Variants in GRIN2C observed in about 807,000 individuals in gnomAD.
The protein encoded by GRIN2C is glutamate ionotropic receptor NMDA type subunit 2C.
GRIN2C carries 64 observed loss-of-function variants against 77.7 expected under a neutral mutation model. The observed-to-expected ratio is 0.82, with a 90% confidence interval of 0.67 to 1.01. GRIN2C has a LOEUF of 1.01. Ranked by LOEUF, GRIN2C falls within the 50% of genes least tolerant of loss-of-function variation. GRIN2C has a pLI of 0.00. For missense variants in GRIN2C, 1,549 were observed against 1,486.0 expected, an observed-to-expected ratio of 1.04 and a Z score of -0.70; for synonymous variants, 792 against 643.4, an observed-to-expected ratio of 1.23 and a Z score of -3.49.
rs906969892 is a variant in GRIN2C, at chr17:74,851,667, C to T, written c.1023G>A (p.Glu341=). 2.5e-6 allele frequency: 4 copies of T among 1,570,032 alleles called. No homozygotes were observed. The African/African-American group carries it at 5.4e-5, about 21-fold the overall frequency. Residue 341 remains glutamate (E), a synonymous_variant, in exon 4 of 13, where the codon GAG becomes GAA. Coordinates refer to ENST00000293190, the MANE Select transcript of GRIN2C (RefSeq NM_000835.6). ...FYRHLLNVTW[E]GRDFSFSPGG... Reference sequence around the variant, plus strand: ...CAGGGCTGAAGGAGAAGTCTCGGCCCTCCCAGGTGACATTCAGTAGGTGCC... The same window carrying T: ...CAGGGCTGAAGGAGAAGTCTCGGCCTTCCCAGGTGACATTCAGTAGGTGCC...
At position 74,854,694 on chromosome 17, in the gene GRIN2C, C is replaced by T. The variant is rs2037761309; in HGVS notation, c.399G>A (p.Lys133=). ...AGGGGACATGAGTTTGGACATGCAC[C>T]TTGGGGGTGAGGACCACAGCAGAGC... is the stretch of plus-strand genomic sequence containing the variant. ...SGGSAVVLTP[K]EPGSAFLQLG... The change falls in exon 2 of 13, where the codon AAG becomes AAA. Residue 133 remains lysine, a splice_region_variant and synonymous_variant. Transcript: ENST00000293190. 6.2e-7 allele frequency: 1 copy of T among 1,604,952 alleles called. No individual in the cohort carries two copies.
chr17:74,842,556 AGCCCCAGAGTCCTGCCCCTGT>A lies in GRIN2C; in HGVS notation c.3560_3580del (p.His1187_Gly1193del), dbSNP rs577805282. ...CCCACTGTCTCTGTAGCCTGTGCCC[AGCCCCAGAGTCCTGCCCCTGT>A]GCCCCAGAGGCCCCCAGGCCCCGGA... is the stretch of plus-strand genomic sequence containing the variant. On this transcript the variant is annotated inframe_deletion, in exon 13 of 13. Transcript: ENST00000293190. 2.1e-3 allele frequency: 1,654 copies of A among 777,666 alleles called. 21 individuals carry two copies. In the African/African-American group the frequency reaches 0.024, roughly 11 times the overall value. The allele number at this position is 777,666 out of a possible 1,614,324, so 48.2% of individuals were successfully genotyped here.
chr17:74,846,112 G>A lies in GRIN2C; in HGVS notation c.2304C>T (p.His768=). The change falls in exon 11 of 13, where the codon CAC becomes CAT. Residue 768 remains histidine (H), a synonymous_variant. Coordinates refer to ENST00000293190, the MANE Select transcript of GRIN2C (RefSeq NM_000835.6). The surrounding 1 kb of genome is among the most constrained non-coding windows in gnomAD (Gnocchi z 4.4). ...GCGCCAGGTCTATGGCCCGCTTCCA[G>A]TGGGAGTCCTTCTGCATGGCGATGC... is the stretch of plus-strand genomic sequence containing the variant. ...GYGIAMQKDS[H]WKRAIDLALL... 1 of 1,614,228 alleles carries A rather than the reference G, an allele frequency of 6.2e-7. No homozygotes were observed. Among genetic ancestry groups the A allele is most frequent in the Non-Finnish European group, 8.5e-7 (1 of 1,180,028 alleles).
At chr17:74,860,368 C>T (rs1198514005), upstream of GRIN2C, 2 of 455,654 alleles carry the variant, frequency 4.4e-6, no homozygotes, top group Admixed American at 4.7e-5. Context: ...CCAGAAGTCC[C>T]CTTGGACGAC....
intron 11 of GRIN2C, 137 bp downstream of exon 11, chr17:74,845,929 C>G: frequency 2.6e-6 from 2 of 779,578 alleles, no homozygotes; most frequent in Admixed American, 4.1e-5. Flanking sequence ...TACCTGCCCA[C>G]CTCAGCTGCC....
chr17:74,848,286 G>A (rs1476605365), intron 7 of GRIN2C, among the ~76,000 whole-genome samples: 2 of 152,102 alleles, frequency 1.3e-5, no homozygotes, highest in African/African-American at 4.8e-5. Context: ...TGATCTGGTG[G>A]TTCTGCCTGG....
chr17:74,860,588 G>A (rs888898983), upstream of GRIN2C: 27 of 441,574 alleles, frequency 6.1e-5, no homozygotes, highest in Admixed American at 1.4e-4. Context: ...CGGGGATCCT[G>A]GGCGAAGCCC....
upstream of GRIN2C, among the ~76,000 whole-genome samples, chr17:74,861,129 G>A (rs937882239): frequency 3.3e-5 from 5 of 152,308 alleles, no homozygotes; most frequent in South Asian, 6.2e-4. Flanking sequence ...AGGGCTCGGC[G>A]ACCCTGGGGA....
chr17:74,843,382 T>TG lies in GRIN2C; in HGVS notation c.2754dup (p.Thr919HisfsTer360). The TG allele has an allele frequency of 1.3e-6, 2 of 1,532,346 alleles. No homozygotes were observed. Among genetic ancestry groups the TG allele is most frequent in the Non-Finnish European group, 1.7e-6 (2 of 1,144,114 alleles). The allele number at this position is 1,532,346 out of a possible 1,614,324, so 94.9% of individuals were successfully genotyped here. On this transcript the variant is annotated frameshift_variant, in exon 13 of 13. Transcript: ENST00000293190. LOFTEE classifies it low-confidence loss of function (END_TRUNC). ...CGGCCGCCACCCCAATTCTCGATGG[T>TG]GCGAGTGGCGCGGTCCAGGGAGCTG...
chr17:74,855,015 G>T lies in GRIN2C; in HGVS notation c.78C>A (p.Gly26=), dbSNP rs373820479. Residue 26 remains glycine (G), a synonymous_variant, in exon 2 of 13, where the codon GGC becomes GGA. Transcript: ENST00000293190. The part of the protein sequence containing the change: ...GAWAGLGPGQ[G]EQGMTVAVVF... The stretch of plus-strand genomic sequence containing the variant: ...CCACGGCCACCGTCATGCCCTGCTC[G>T]CCCTGCCCCGGACCCAGCCCTGCCC... 4 of 1,603,296 alleles carry T rather than the reference G, an allele frequency of 2.5e-6. No individual in the cohort carries two copies. Among genetic ancestry groups the T allele is most frequent in the African/African-American group, 1.3e-5 (1 of 74,884 alleles).
Position 74,859,128 on chromosome 17 carries a change from G to A in GRIN2C, c.-16+616C>T, listed in dbSNP as rs974589526. ...CACCCTGCCCCACACTGGACTGCGGGCTCCTTGAGGGCAGACACATTGTCT... is the reference window on the plus strand; with the variant it reads ...CACCCTGCCCCACACTGGACTGCGGACTCCTTGAGGGCAGACACATTGTCT... On this transcript the variant is annotated intron_variant, in intron 1 of 12. Coordinates refer to ENST00000293190, the MANE Select transcript of GRIN2C (RefSeq NM_000835.6). The surrounding 1 kb of genome is among the most constrained non-coding windows in gnomAD (Gnocchi z 5.9). Among the ~76,000 whole-genome samples the A allele has an allele frequency of 6.6e-6, 1 of 152,168 alleles. No homozygotes were observed. The highest frequency in any genetic ancestry group is 2.4e-5 in the African/African-American group (1 of 41,434).
chr17:74,860,471 C>A (rs944393937), upstream of GRIN2C: 1 of 456,584 alleles, frequency 2.2e-6, no homozygotes, highest in Non-Finnish European at 4.4e-6. Context: ...TGCAGGGTCG[C>A]GGGACGCACC....
chr17:74,843,697 G>GGCACTGTGCTTT, intron 12 of GRIN2C, 144 bp from the exon 13 acceptor site: 1 of 1,067,844 alleles, frequency 9.4e-7, no homozygotes, highest in South Asian at 1.6e-5. Context: ...CCATGCGCCA[G>GGCACTGTGCTTT]GCACTGTGCT....
intron 2 of GRIN2C, chr17:74,854,417 AGAG>A (rs1246670367): frequency 3.1e-5 from 12 of 383,866 alleles, no homozygotes; most frequent in Non-Finnish European, 4.7e-5. Context: ...AGGGAAGCAG[AGAG>A]GAGGAGGGCT....
At position 74,859,517 on chromosome 17, in the gene GRIN2C, G is replaced by C. The variant is rs1454348370; in HGVS notation, c.-16+227C>G. ...GAACCCCCGGACCCCCTGCCCTTCC[G>C]GTGAGCCGCCCCTCCTTTGCCGTCG... On this transcript the variant is annotated intron_variant, in intron 1 of 12. Transcript: ENST00000293190. This position sits in a 1 kb window ranked among gnomAD's most constrained non-coding sequence, Gnocchi z 5.9. 1.3e-5 allele frequency among the ~76,000 whole-genome samples: 2 copies of C among 148,394 alleles called. No homozygotes were observed. The highest frequency in any genetic ancestry group is 6.7e-5 in the Admixed American group (1 of 14,944).
Position 74,852,272 on chromosome 17 carries a change from C to A in GRIN2C, c.739G>T (p.Gly247Trp). The stretch of plus-strand genomic sequence containing the variant: ...GGCACCAGCCACACGTGGCCGGGCC[C>A]CACCAGACCGGCCTGCGCCGCCTCG... Reference protein sequence around the residue: ...FAEAAQAGLVGPGHVWLVPNL... With the variant: ...FAEAAQAGLVWPGHVWLVPNL... The change falls in exon 3 of 13, where the codon GGG becomes TGG. Residue 247 changes from glycine to tryptophan, a missense_variant. Around this residue, in one of 3 missense-constraint regions of GRIN2C, gnomAD observed 382 missense variants for 360.0 expected, o/e 1.06. Coordinates refer to ENST00000293190, the MANE Select transcript of GRIN2C (RefSeq NM_000835.6). 7.1e-7 allele frequency: 1 copy of A among 1,410,336 alleles called. No homozygotes were observed. The highest frequency in any genetic ancestry group is 3.3e-5 in the Admixed American group (1 of 30,570). 87.4% of individuals were successfully genotyped at this position (1,410,336 alleles called of 1,614,324 possible). A position where few individuals can be genotyped will look rare whatever the true frequency, so the allele number is the denominator to read the frequency against.
Position 74,844,499 on chromosome 17 carries a change from T to C in GRIN2C, c.2360A>G (p.Gln787Arg), listed in dbSNP as rs1243188358. 10 of 1,613,944 alleles carry C rather than the reference T, an allele frequency of 6.2e-6. No homozygotes were observed. The highest frequency in any genetic ancestry group is 8.5e-6 in the Non-Finnish European group (10 of 1,179,928). Residue 787 changes from glutamine to arginine, a missense_variant, in exon 12 of 13, where the codon CAG becomes CGG. By Grantham distance (43) the Gln-to-Arg change is conservative (BLOSUM62 1). Transcript: ENST00000293190. ...TGAGAGCCACACTGTCTCCAGTTTCTGTGTCTCTCCTGGAGTTGGGGGGTG... is the reference window on the plus strand; with the variant it reads ...TGAGAGCCACACTGTCTCCAGTTTCCGTGTCTCTCCTGGAGTTGGGGGGTG... ...LLQFLGDGET[Q>R]KLETVWLSGI...
In GRIN2C at chr17:74,846,635, T is replaced by G. The variant is rs1203369566; in HGVS notation, c.2162+125A>C. 1.9e-6 allele frequency: 2 copies of G among 1,032,422 alleles called. No individual in the cohort carries two copies. The highest frequency in any genetic ancestry group is 5.0e-5 in the East Asian group (2 of 40,130). The allele number at this position is 1,032,422 out of a possible 1,614,324, so 64.0% of individuals were successfully genotyped here. On this transcript the variant is annotated intron_variant, in intron 10 of 12. Transcript: ENST00000293190. This position sits in a 1 kb window ranked among gnomAD's most constrained non-coding sequence, Gnocchi z 4.4. ...TCAAGCTCCACTCTGCCCCAAGACC[T>G]CTTCCCTCCACCCCACAGGAGTCCT...
In GRIN2C at chr17:74,850,057, T is replaced by A. The variant is rs2037586903; in HGVS notation, c.1492-124A>T. On this transcript the variant is annotated intron_variant, in intron 6 of 12. Coordinates refer to ENST00000293190, the MANE Select transcript of GRIN2C (RefSeq NM_000835.6). This position sits in a 1 kb window ranked among gnomAD's most constrained non-coding sequence, Gnocchi z 5.3. ...GAGTCAATCATTCCCTCTGGGGCCCTCAGAGCTCAGCTTTCAGTACTGACC... is the reference window on the plus strand; with the variant it reads ...GAGTCAATCATTCCCTCTGGGGCCCACAGAGCTCAGCTTTCAGTACTGACC... The A allele has an allele frequency of 7.4e-7, 1 of 1,349,742 alleles. No individual in the cohort carries two copies. The highest frequency in any genetic ancestry group is 1.9e-5 in the Admixed American group (1 of 52,396). The allele number at this position is 1,349,742 out of a possible 1,614,324, so 83.6% of individuals were successfully genotyped here.
Sources: gnomAD v4.1 joint callset for allele counts (sites outside exome capture counted in the v4.1 genomes callset) on GRCh38, gnomAD v4.1.1 for gene constraint, gnomAD v4.1.1 regional missense constraint, Gnocchi (gnomAD v3.1) non-coding constraint, MANE v1.5 for transcripts, NCBI Gene and HGNC (gene_info 2026-07-23, HGNC 2026-07-21) for gene names.